Variants in TSPEAR observed in about 807,000 individuals in gnomAD.
TSPEAR encodes the protein thrombospondin type laminin G domain and EAR repeats, also known as thrombospondin-type laminin G domain and EAR repeat-containing protein.
Under a neutral mutation model 71.6 loss-of-function variants are expected in TSPEAR, and 69 were observed. The ratio of observed to expected loss-of-function variants is 0.96; its 90% confidence interval spans 0.79 to 1.18. The LOEUF is 1.18. Among genes scored for constraint, TSPEAR ranks in the 50% most tolerant of loss-of-function variants. The pLI, the probability that TSPEAR is intolerant of heterozygous loss-of-function variation, is 0.00. For missense variants in TSPEAR, 971 were observed against 894.9 expected (o/e 1.09, Z -1.09); for synonymous variants, 402 against 387.2 (o/e 1.04, Z -0.45).
intron 1 of TSPEAR, among the ~76,000 whole-genome samples, chr21:44,637,090 A>G (rs1210090492): frequency 1.3e-5 from 2 of 152,142 alleles, no homozygotes; most frequent in Non-Finnish European, 2.9e-5. Context: ...GCCAGGTGGA[A>G]GTCACCAGGT....
rs534345956 is a variant in TSPEAR at position 44,687,754 on chromosome 21, G to T, written c.82+23679C>A. Among the ~76,000 whole-genome samples the T allele has an allele frequency of 6.6e-6, 1 of 152,224 alleles. No individual in the cohort carries two copies. The highest frequency in any genetic ancestry group is 6.5e-5 in the Admixed American group (1 of 15,298). The stretch of plus-strand genomic sequence containing the variant: ...CACCCTCTCCCCTGGGCCTTGAGGG[G>T]GCCTGGGTGAGCTGTGTTGACAGAT... On this transcript the variant is annotated intron_variant, in intron 1 of 11. Coordinates refer to ENST00000323084, the MANE Select transcript of TSPEAR (RefSeq NM_144991.3). The surrounding 1 kb of genome is among the most constrained non-coding windows in gnomAD (Gnocchi z 4.4).
Position 44,711,381 on chromosome 21 carries a change from C to G in TSPEAR, c.82+52G>C, listed in dbSNP as rs146929769. The G allele has an allele frequency of 7.5e-4, 1,142 of 1,516,536 alleles. 8 individuals carry two copies. The African/African-American group carries it at 0.01, about 14-fold the overall frequency. The allele number at this position is 1,516,536 out of a possible 1,614,324, so 93.9% of individuals were successfully genotyped here. Reference sequence around the variant, plus strand: ...GTGGCATTTGTGACTCGACACCCCTCCCAGCTCCCCGGCAAGATACCCCCG... The same window carrying G: ...GTGGCATTTGTGACTCGACACCCCTGCCAGCTCCCCGGCAAGATACCCCCG... On this transcript the variant is annotated intron_variant, in intron 1 of 11. Transcript: ENST00000323084. This position sits in a 1 kb window ranked among gnomAD's most constrained non-coding sequence, Gnocchi z 4.5.
intron 1 of TSPEAR, among the ~76,000 whole-genome samples, chr21:44,667,420 T>C (rs1407863580): frequency 1.3e-5 from 2 of 152,174 alleles, no homozygotes; most frequent in East Asian, 1.9e-4. Context: ...CACTTGTCCA[T>C]AGGATGAGTG....
rs781978477 is a variant in TSPEAR, at chr21:44,540,163, AGGAGGTGAGCTGCG to A, written c.304-6254_304-6241del. ...TGGACGCGGCCATGCTGGGGTGGGG[AGGAGGTGAGCTGCG>A]GGAGGTGTGAGTGAGTGAGTGTGGG... On this transcript the variant is annotated intron_variant, in intron 2 of 11. Transcript: ENST00000323084. 1.4e-5 allele frequency: 23 copies of A among 1,610,092 alleles called. No homozygotes were observed. In the South Asian group the frequency reaches 2.5e-4, roughly 18 times the overall value.
At chr21:44,665,415 G>C (rs782345811) in intron 1 of TSPEAR, among the ~76,000 whole-genome samples, 33 of 152,222 alleles carry the variant, frequency 2.2e-4, no homozygotes, top group Non-Finnish European at 3.2e-4. Flanking sequence ...CCCCCAGGAG[G>C]GGAATACAGC....
intron 2 of TSPEAR, among the ~76,000 whole-genome samples, chr21:44,563,051 A>C (rs1555921309): frequency 6.6e-6 from 1 of 152,190 alleles, no homozygotes; most frequent in Non-Finnish European, 1.5e-5. Flanking sequence ...TTGGGCCTAT[A>C]ACATATAGAA....
intron 2 of TSPEAR, among the ~76,000 whole-genome samples, chr21:44,565,584 C>T (rs999876418): frequency 1.3e-5 from 2 of 152,096 alleles, no homozygotes; most frequent in African/African-American, 4.8e-5. Flanking sequence ...ATTAATGTAA[C>T]ACAACACATC....
intron 1 of TSPEAR, among the ~76,000 whole-genome samples, chr21:44,669,450 T>G (rs1221625006): frequency 1.3e-5 from 2 of 152,110 alleles, no homozygotes; most frequent in African/African-American, 4.8e-5. Context: ...AATAAAGCAC[T>G]GGGCATTCTC....
intron 1 of TSPEAR, among the ~76,000 whole-genome samples, chr21:44,664,271 G>A (rs927429093): frequency 1.8e-4 from 27 of 152,098 alleles, no homozygotes; most frequent in African/African-American, 4.1e-4. Context: ...TACAAAAATC[G>A]ATTTTATTTT....
At position 44,508,873 on chromosome 21, in the gene TSPEAR, C is replaced by T. The variant is rs782344267; in HGVS notation, c.1754+326G>A. 3 of 1,436,454 alleles carry T rather than the reference C, an allele frequency of 2.1e-6. No individual in the cohort carries two copies. In the Admixed American group the frequency reaches 5.6e-5, roughly 27 times the overall value. The allele number at this position is 1,436,454 out of a possible 1,614,324, so 89.0% of individuals were successfully genotyped here. On this transcript the variant is annotated intron_variant, in intron 10 of 11. Coordinates refer to ENST00000323084, the MANE Select transcript of TSPEAR (RefSeq NM_144991.3). The stretch of plus-strand genomic sequence containing the variant: ...CCTGTCCCTCTGGGGCCTCGGCTAT[C>T]CCTCCGCACGACGGGCATGAAGCCC...
At chr21:44,698,776 C>T (rs556116817) in intron 1 of TSPEAR, among the ~76,000 whole-genome samples, 1 of 152,394 alleles carries the variant, frequency 6.6e-6, no homozygotes, top group East Asian at 1.9e-4. Context: ...AGAAGCGGTC[C>T]ACTTCCTTCT....
intron 1 of TSPEAR, among the ~76,000 whole-genome samples, chr21:44,610,125 T>C (rs1446236891): frequency 2.0e-5 from 3 of 152,060 alleles, no homozygotes; most frequent in Non-Finnish European, 4.4e-5. Context: ...GTTTGAAAAA[T>C]TTGTAGCCTG....
Position 44,697,820 on chromosome 21 carries a change from C to T in TSPEAR, c.82+13613G>A, listed in dbSNP as rs782227543. ...CTGCCGCCCTGTGTGCAGACCCGCC[C>T]GCCGCGTGCCCGTCCCCTCCTGCTG... is the stretch of plus-strand genomic sequence containing the variant. On this transcript the variant is annotated intron_variant, in intron 1 of 11. Transcript: ENST00000323084. 99 of 1,613,096 alleles carry T rather than the reference C, an allele frequency of 6.1e-5. No homozygotes were observed. In the African/African-American group the frequency reaches 7.1e-4, roughly 12 times the overall value.
At chr21:44,513,655 A>G (rs1465270526) in intron 9 of TSPEAR, among the ~76,000 whole-genome samples, 1 of 152,134 alleles carries the variant, frequency 6.6e-6, no homozygotes, top group African/African-American at 2.4e-5. Context: ...AGCTCCCTCG[A>G]GGGCGGGTGG....
At chr21:44,533,504 C>A (rs1569169419) in intron 3 of TSPEAR, among the ~76,000 whole-genome samples, 181 bp downstream of exon 3, 1 of 151,788 alleles carries the variant, frequency 6.6e-6, no homozygotes, top group Non-Finnish European at 1.5e-5. Context: ...TGGCTCCTGG[C>A]CCCTGGTCGG....
intron 2 of TSPEAR, chr21:44,551,528 G>C: frequency 6.5e-7 from 1 of 1,536,056 alleles, no homozygotes; most frequent in Non-Finnish European, 8.8e-7. Flanking sequence ...GTGTGTGAGT[G>C]AGTGTGTGTG....
intron 2 of TSPEAR, among the ~76,000 whole-genome samples, chr21:44,564,778 T>C (rs1312501309): frequency 6.6e-6 from 1 of 152,106 alleles, no homozygotes; most frequent in East Asian, 1.9e-4. Context: ...AATAAACCAA[T>C]AAAGTCTAGC....
At chr21:44,589,709 T>C (rs993931955) in intron 1 of TSPEAR, among the ~76,000 whole-genome samples, 1 of 152,124 alleles carries the variant, frequency 6.6e-6, no homozygotes, top group East Asian at 1.9e-4. Context: ...GTCCTGTCGG[T>C]GCCTCGGACG....
intron 1 of TSPEAR, among the ~76,000 whole-genome samples, chr21:44,688,201 G>GCGCT (rs1986947697): frequency 6.6e-6 from 1 of 151,590 alleles, no homozygotes; most frequent in African/African-American, 2.4e-5. Flanking sequence ...GAAGTGGGGT[G>GCGCT]CAGAGAATTG....
Sources: allele counts gnomAD v4.1 joint callset (sites outside exome capture counted in the v4.1 genomes callset), GRCh38; gene constraint gnomAD v4.1.1; non-coding constraint Gnocchi (gnomAD v3.1); transcripts MANE v1.5; gene names NCBI Gene and HGNC (gene_info 2026-07-23, HGNC 2026-07-21).